FBXO46: variants seen among roughly 807,000 people sequenced by gnomAD.
FBXO46 encodes F-box protein 46, also known as F-box only protein 46.
A neutral mutation model predicts 30.7 loss-of-function variants in FBXO46; 13 were observed. The ratio of observed to expected loss-of-function variants is 0.42; its 90% confidence interval spans 0.28 to 0.67. The LOEUF (loss-of-function observed/expected upper bound fraction) is 0.67. Among genes scored for constraint, FBXO46 ranks in the 30% least tolerant of loss-of-function variants. The pLI is 0.21. For synonymous variants in FBXO46, 467 were observed against 385.8 expected (o/e 1.21, Z -2.47); for missense variants, 754 against 871.5 (o/e 0.87, Z 1.70).
rs1039944770 is a variant in FBXO46 at position 45,713,160 on chromosome 19, G to A, written c.336C>T (p.Gly112=). Residue 112 remains glycine (G), a synonymous_variant, in exon 2 of 2, where the codon GGC becomes GGT. Coordinates refer to ENST00000317683, the MANE Select transcript of FBXO46 (RefSeq NM_001080469.2). The surrounding 1 kb of genome is among the most constrained non-coding windows in gnomAD (Gnocchi z 4.7). ...AFFVAHQCGG[G]SRASSMKVKG... Reference sequence around the variant, plus strand: ...TGACCTTCATGGAGCTGGCCCGGCTGCCCCCACCACACTGGTGGGCCACAA... The same window carrying A: ...TGACCTTCATGGAGCTGGCCCGGCTACCCCCACCACACTGGTGGGCCACAA... The A allele has an allele frequency of 1.2e-6, 2 of 1,613,646 alleles. No homozygotes were observed. Among genetic ancestry groups the A allele is most frequent in the Non-Finnish European group, 1.7e-6 (2 of 1,179,820 alleles).
intron 1 of FBXO46, among the ~76,000 whole-genome samples, chr19:45,727,582 A>G (rs1213984770): frequency 6.6e-6 from 1 of 151,892 alleles, no homozygotes; most frequent in African/African-American, 2.4e-5. Context: ...GGGAAAAGAA[A>G]ACTGAGGCCC....
At chr19:45,724,288 A>C (rs945421554) in intron 1 of FBXO46, among the ~76,000 whole-genome samples, 5 of 152,178 alleles carry the variant, frequency 3.3e-5, no homozygotes, top group Non-Finnish European at 5.9e-5. Flanking sequence ...TAATTCAATG[A>C]GGGCTGGAGA....
upstream of FBXO46, among the ~76,000 whole-genome samples, chr19:45,732,393 G>C (rs932321124): frequency 2.6e-5 from 4 of 151,550 alleles, no homozygotes; most frequent in Non-Finnish European, 5.9e-5. Flanking sequence ...TCTTGACTAG[G>C]TCGTTAGATC....
chr19:45,732,049 G>A (rs1159043448), upstream of FBXO46, among the ~76,000 whole-genome samples: 2 of 151,514 alleles, frequency 1.3e-5, no homozygotes, highest in East Asian at 1.9e-4. Flanking sequence ...CCCAGGAGGC[G>A]GAGCTTGCAG....
At chr19:45,717,175 C>G (rs1337569991) in intron 1 of FBXO46, 2 of 150,556 alleles carry the variant, frequency 1.3e-5, no homozygotes, top group African/African-American at 4.9e-5. Context: ...GAAAAGGAAC[C>G]CCCAAATCTT....
intron 1 of FBXO46, among the ~76,000 whole-genome samples, chr19:45,720,226 G>A (rs544788982): frequency 3.8e-4 from 58 of 152,070 alleles, no homozygotes; most frequent in East Asian, 5.8e-4. Flanking sequence ...TCTGCCTCCC[G>A]GTTCAAGCGA....
chr19:45,712,645 C>T lies in FBXO46; in HGVS notation c.851G>A (p.Gly284Asp), dbSNP rs1224864135. 6.2e-7 allele frequency: 1 copy of T among 1,608,172 alleles called. No homozygotes were observed. Among genetic ancestry groups the T allele is most frequent in the East Asian group, 2.2e-5 (1 of 44,800 alleles). Residue 284 changes from glycine (G) to aspartate (D), a missense_variant, in exon 2 of 2, where the codon GGC becomes GAC. Around this residue, in one of 5 missense-constraint regions of FBXO46, gnomAD observed 454 missense variants for 426.5 expected, o/e 1.06. Coordinates refer to ENST00000317683, the MANE Select transcript of FBXO46 (RefSeq NM_001080469.2). This position sits in a 1 kb window ranked among gnomAD's most constrained non-coding sequence, Gnocchi z 8.8. ...PDSGLPSGGGGRPGCAYPGSP... is the reference protein window; with the variant it reads ...PDSGLPSGGGDRPGCAYPGSP... ...GCCAGGGTAGGCACAACCAGGCCTG[C>T]CCCCGCCCCCACTGGGCAGGCCGCT...
intron 1 of FBXO46, among the ~76,000 whole-genome samples, chr19:45,718,477 G>C (rs2146152364): frequency 6.6e-6 from 1 of 152,268 alleles, no homozygotes; most frequent in East Asian, 1.9e-4. Flanking sequence ...CGTCCATGCG[G>C]TGGGCTCATT....
chr19:45,718,339 A>G (rs1017279534), intron 1 of FBXO46, among the ~76,000 whole-genome samples: 1 of 152,118 alleles, frequency 6.6e-6, no homozygotes, highest in African/African-American at 2.4e-5. Flanking sequence ...GAAGCCAGGG[A>G]ATCTGATTTC....
In FBXO46 at chr19:45,712,065, G is replaced by C. The variant is rs753855427; in HGVS notation, c.1431C>G (p.Pro477=). 12 of 1,610,194 alleles carry C rather than the reference G, an allele frequency of 7.5e-6. No individual in the cohort carries two copies. In the South Asian group the frequency reaches 1.2e-4, roughly 16 times the overall value. The change falls in exon 2 of 2, where the codon CCC becomes CCG. Residue 477 remains proline, a synonymous_variant. Coordinates refer to ENST00000317683, the MANE Select transcript of FBXO46 (RefSeq NM_001080469.2). The surrounding 1 kb of genome is among the most constrained non-coding windows in gnomAD (Gnocchi z 8.8). ...TGAAGATCTTGACCAGCACGTGCTC[G>C]GGCAGCAGCAGCATGTACTGTCGCG... The part of the protein sequence containing the change: ...LEPRQYMLLL[P]EHVLVKIFSF...
At position 45,712,696 on chromosome 19, in the gene FBXO46, T is replaced by C. The variant is rs1383416908; in HGVS notation, c.800A>G (p.Asn267Ser). ...GTCTGGTGCACGGGGCTCCCGGCCG[T>C]TGGAGATGCGGAAGGCGATGCGCAC... ...GEVRIAFRIS[N>S]GREPRAPDSG... Residue 267 changes from asparagine (N) to serine (S), a missense_variant, in exon 2 of 2, where the codon AAC becomes AGC. Coordinates refer to ENST00000317683, the MANE Select transcript of FBXO46 (RefSeq NM_001080469.2). The surrounding 1 kb of genome is among the most constrained non-coding windows in gnomAD (Gnocchi z 8.8). The C allele has an allele frequency of 6.8e-6, 11 of 1,612,598 alleles. No homozygotes were observed. The highest frequency in any genetic ancestry group is 1.7e-4 in the Middle Eastern group (1 of 6,048).
chr19:45,724,223 G>C (rs1233296024), intron 1 of FBXO46, among the ~76,000 whole-genome samples: 2 of 152,128 alleles, frequency 1.3e-5, no homozygotes, highest in East Asian at 3.8e-4. Context: ...TGACACATAG[G>C]ATCAGGGACA....
chr19:45,725,642 G>C (rs1224090566), intron 1 of FBXO46, among the ~76,000 whole-genome samples: 1 of 152,108 alleles, frequency 6.6e-6, no homozygotes, highest in East Asian at 1.9e-4. Flanking sequence ...GCTGAGGTGG[G>C]AGGATGGCTT....
intron 1 of FBXO46, among the ~76,000 whole-genome samples, chr19:45,718,117 C>T (rs909742596): frequency 1.3e-5 from 2 of 152,168 alleles, no homozygotes; most frequent in Non-Finnish European, 2.9e-5. Flanking sequence ...CCCCACCTGT[C>T]CAGTCGCATC....
chr19:45,713,372 C>T lies in FBXO46; in HGVS notation c.124G>A (p.Gly42Ser). 4 of 1,612,344 alleles carry T rather than the reference C, an allele frequency of 2.5e-6. No individual in the cohort carries two copies. Among genetic ancestry groups the T allele is most frequent in the Non-Finnish European group, 3.4e-6 (4 of 1,179,040 alleles). Residue 42 changes from glycine (G) to serine (S), a missense_variant, in exon 2 of 2, where the codon GGC (glycine) becomes AGC (serine). Gly to Ser is a moderately conservative substitution (Grantham distance 56). Coordinates refer to ENST00000317683, the MANE Select transcript of FBXO46 (RefSeq NM_001080469.2). The surrounding 1 kb of genome is among the most constrained non-coding windows in gnomAD (Gnocchi z 4.7). ...LKPSACPEPG[G>S]GAEPDHGPAH... ...GGCCCATGGTCTGGCTCGGCCCCGC[C>T]ACCAGGCTCAGGGCAGGCTGATGGC... is the stretch of plus-strand genomic sequence containing the variant.
intron 1 of FBXO46, among the ~76,000 whole-genome samples, chr19:45,721,941 A>G (rs1968178336): frequency 1.3e-5 from 2 of 151,828 alleles, no homozygotes; most frequent in Admixed American, 1.3e-4. Context: ...CCCCTGCCTC[A>G]GCCTCCTGAG....
chr19:45,717,494 T>G (rs1431656976), intron 1 of FBXO46: 4 of 152,046 alleles, frequency 2.6e-5, no homozygotes, highest in Non-Finnish European at 5.9e-5. Context: ...GGGGCCCAAC[T>G]TCGAAATAGG....
intron 1 of FBXO46, among the ~76,000 whole-genome samples, chr19:45,729,017 G>A (rs1230840126): frequency 2.6e-5 from 4 of 151,876 alleles, no homozygotes; most frequent in Admixed American, 1.3e-4. Context: ...AGGCTGAGGC[G>A]GAGAATTGCT....
At position 45,711,795 on chromosome 19, in the gene FBXO46, A is replaced by G. The variant is rs769563627; in HGVS notation, c.1701T>C (p.Arg567=). The change falls in exon 2 of 2, where the codon CGT becomes CGC. Residue 567 remains arginine, a synonymous_variant. Coordinates refer to ENST00000317683, the MANE Select transcript of FBXO46 (RefSeq NM_001080469.2). ...PYGRSYWMCC[R]RADRETPGCR... ...AGCCGGGAGTCTCGCGGTCGGCTCG[A>G]CGGCAGCACATCCAGTAGGAACGTC... 5 of 1,607,862 alleles carry G rather than the reference A, an allele frequency of 3.1e-6. No individual in the cohort carries two copies. In the African/African-American group the frequency reaches 6.7e-5, roughly 22 times the overall value.
Sources: allele counts gnomAD v4.1 joint callset (sites outside exome capture counted in the v4.1 genomes callset), GRCh38; gene constraint gnomAD v4.1.1; regional missense constraint gnomAD v4.1.1; non-coding constraint Gnocchi (gnomAD v3.1); transcripts MANE v1.5; gene names NCBI Gene and HGNC (gene_info 2026-07-23, HGNC 2026-07-21).